Variants in TAB2 observed in about 807,000 individuals in gnomAD.
TAB2 encodes TGF-beta activated kinase 1 (MAP3K7) binding protein 2.
Under a neutral mutation model 65.0 loss-of-function variants are expected in TAB2, and 3 were observed. That is an observed-to-expected ratio of 0.05 (90% CI 0.02 to 0.12). The LOEUF is 0.12. Ranked by LOEUF, TAB2 falls within the 10% of genes least tolerant of loss-of-function variation. TAB2 has a pLI of 1.00. For synonymous variants in TAB2, 298 were observed against 285.1 expected (o/e 1.05, Z -0.46); for missense variants, 623 against 840.3 (o/e 0.74, Z 3.20).
At chr6:149,402,788 G>A (rs929127156) in intron 6 of TAB2, among the ~76,000 whole-genome samples, 2 of 152,138 alleles carry the variant, frequency 1.3e-5, no homozygotes, top group Admixed American at 6.5e-5. Context: ...ATGACCAAGT[G>A]GGGTTTATCT....
chr6:149,400,237 C>T, intron 6 of TAB2: 1 of 786,074 alleles, frequency 1.3e-6, no homozygotes. Context: ...CTGGCGCACA[C>T]AGCGGGAGGG....
At position 149,400,071 on chromosome 6, in the gene TAB2, T is replaced by C. The variant is rs142697068; in HGVS notation, c.1939+887T>C. Among the ~76,000 whole-genome samples the C allele has an allele frequency of 7.0e-3, 1,059 of 152,338 alleles. 10 individuals are homozygous for C. The highest frequency in any genetic ancestry group is 0.025 in the African/African-American group (1,023 of 41,584). ...AAAGAGGAGCAAAACAGTTGTCAAA[T>C]AGACAGGAAGCAACAAACTGCCAAT... On this transcript the variant is annotated intron_variant, in intron 6 of 6. Coordinates refer to ENST00000637181, the MANE Select transcript of TAB2 (RefSeq NM_001292034.3).
At chr6:149,403,106 T>C (rs922748225) in intron 6 of TAB2, among the ~76,000 whole-genome samples, 15 of 151,250 alleles carry the variant, frequency 9.9e-5, no homozygotes, top group African/African-American at 3.6e-4. Context: ...TGGCGGCCCA[T>C]GCCTGTAATC....
chr6:149,273,077 T>C (rs968813157), intron 1 of TAB2, among the ~76,000 whole-genome samples: 1 of 151,350 alleles, frequency 6.6e-6, no homozygotes, highest in African/African-American at 2.4e-5. Context: ...TTCATGAAAC[T>C]GGTCCCTGGC....
At chr6:149,261,862 T>C (rs1778159588) in intron 1 of TAB2, among the ~76,000 whole-genome samples, 1 of 152,248 alleles carries the variant, frequency 6.6e-6, no homozygotes, top group Admixed American at 6.5e-5. Flanking sequence ...CTCAGGCTAA[T>C]TTACTCCCTT....
intron 2 of TAB2, among the ~76,000 whole-genome samples, chr6:149,371,587 A>G (rs922191717): frequency 3.9e-5 from 6 of 152,210 alleles, no homozygotes; most frequent in African/African-American, 1.4e-4. Context: ...TAACTTAATT[A>G]ACTTCTCTGA....
At chr6:149,399,899 T>C (rs1782313324) in intron 6 of TAB2, among the ~76,000 whole-genome samples, 1 of 152,166 alleles carries the variant, frequency 6.6e-6, no homozygotes, top group African/African-American at 2.4e-5. Context: ...CACAAAAGTG[T>C]GGGAGGGTGG....
intron 1 of TAB2, among the ~76,000 whole-genome samples, chr6:149,269,319 G>T (rs1778319477): frequency 6.6e-6 from 1 of 152,102 alleles, no homozygotes; most frequent in Non-Finnish European, 1.5e-5. Context: ...AGTTACGCTA[G>T]GTTATCAACA....
At chr6:149,220,657 G>C (rs562606735) in intron 1 of TAB2, 2 of 152,062 alleles carry the variant, frequency 1.3e-5, no homozygotes, top group Non-Finnish European at 2.9e-5. Context: ...TTGCTCTGTC[G>C]CCTAGGCTGG....
At chr6:149,379,592 A>G in intron 3 of TAB2, 74 bp downstream of exon 3, 1 of 1,402,110 alleles carries the variant, frequency 7.1e-7, no homozygotes, top group Non-Finnish European at 1.0e-6. Flanking sequence ...CACAACAGAA[A>G]TGGATGTTAG....
chr6:149,340,532 A>T (rs1397906715), intron 1 of TAB2, among the ~76,000 whole-genome samples: 1 of 152,182 alleles, frequency 6.6e-6, no homozygotes, highest in African/African-American at 2.4e-5. Context: ...AACGTTGTAT[A>T]CCTGGAAAAG....
chr6:149,392,144 G>A (rs1052364625), intron 3 of TAB2, among the ~76,000 whole-genome samples: 1 of 138,624 alleles, frequency 7.2e-6, no homozygotes, highest in Non-Finnish European at 1.6e-5. Context: ...TTGGCAGGGG[G>A]CGGGGGGGCG....
At chr6:149,331,006 A>T (rs1034093637) in intron 1 of TAB2, among the ~76,000 whole-genome samples, 4 of 152,014 alleles carry the variant, frequency 2.6e-5, no homozygotes, top group African/African-American at 9.7e-5. Flanking sequence ...CCACTACCAC[A>T]CTGTTTGATT....
chr6:149,330,703 CA>C (rs958558268), intron 1 of TAB2, among the ~76,000 whole-genome samples: 7 of 152,132 alleles, frequency 4.6e-5, no homozygotes, highest in Non-Finnish European at 1.0e-4. Flanking sequence ...ACGTGATTTA[CA>C]AATACTTTCT....
rs751251942 is a variant in TAB2, at chr6:149,287,204, G to A, written c.-121+68428G>A. On this transcript the variant is annotated intron_variant, in intron 1 of 1. Coordinates refer to the TAB2 transcript ENST00000606202. Reference sequence around the variant, plus strand: ...AGTGTATACTGAAAAAAGACTGAAAGCAAAACAATATATTGACATGAGTCA... The same window carrying A: ...AGTGTATACTGAAAAAAGACTGAAAACAAAACAATATATTGACATGAGTCA... 1.4e-4 allele frequency among the ~76,000 whole-genome samples: 21 copies of A among 152,268 alleles called. No homozygotes were observed. In the South Asian group the frequency reaches 2.7e-3, roughly 20 times the overall value.
rs148685165 is a variant in TAB2, at chr6:149,404,659, G to A, written c.1940-4918G>A. Among the ~76,000 whole-genome samples the A allele has an allele frequency of 2.9e-3, 440 of 152,248 alleles. 2 individuals carry two copies. Among genetic ancestry groups the A allele is most frequent in the Non-Finnish European group, 4.6e-3 (314 of 68,012 alleles). ...TGTGGTCAACTTATCTTTGACAAGC[G>A]TGCCAAGAACACAATGGGGAAAGGG... On this transcript the variant is annotated intron_variant, in intron 6 of 6. Coordinates refer to ENST00000637181, the MANE Select transcript of TAB2 (RefSeq NM_001292034.3).
upstream of TAB2, among the ~76,000 whole-genome samples, chr6:149,313,346 G>A (rs773752322): frequency 2.0e-5 from 3 of 151,754 alleles, no homozygotes; most frequent in Non-Finnish European, 4.4e-5. Flanking sequence ...TGGCCTTCCC[G>A]AAACTCCATC....
chr6:149,346,736 A>T (rs1662252642), intron 1 of TAB2: 1 of 152,036 alleles, frequency 6.6e-6, no homozygotes, highest in Non-Finnish European at 1.5e-5. Flanking sequence ...TTACAGGCAT[A>T]AGCCACCGTG....
At chr6:149,308,513 TTTATTTAC>T (rs201006258) in intron 1 of TAB2, among the ~76,000 whole-genome samples, 13,093 of 132,748 alleles carry the variant, frequency 0.099, 680 homozygotes, top group East Asian at 0.23. Context: ...TATTTATTTA[TTTATTTAC>T]TTATTTATTT....
Sources: gnomAD v4.1 joint callset for allele counts (sites outside exome capture counted in the v4.1 genomes callset) on GRCh38, gnomAD v4.1.1 for gene constraint, MANE v1.5 for transcripts, NCBI Gene and HGNC (gene_info 2026-07-23, HGNC 2026-07-21) for gene names.